Variants in SNX19 observed in about 807,000 individuals in gnomAD.
The protein encoded by SNX19 is sorting nexin 19, also known as sorting nexin-19.
A neutral mutation model predicts 85.2 loss-of-function variants in SNX19; 60 were observed. The observed-to-expected ratio is 0.70, with a 90% confidence interval of 0.57 to 0.87. SNX19 has a LOEUF of 0.87. Among genes scored for constraint, SNX19 ranks in the 40% least tolerant of loss-of-function variants. SNX19 has a pLI of 0.00. For synonymous variants in SNX19, 520 were observed against 470.0 expected, an observed-to-expected ratio of 1.11 and a Z score of -1.38; for missense variants, 1,201 against 1,217.8, an observed-to-expected ratio of 0.99 and a Z score of 0.21.
intron 5 of SNX19, among the ~76,000 whole-genome samples, chr11:130,906,956 C>T (rs1006934582): frequency 6.6e-6 from 1 of 152,188 alleles, no homozygotes; most frequent in Non-Finnish European, 1.5e-5. Context: ...GTCTACAGTG[C>T]ACTTGTGAAA....
chr11:130,889,499 A>G (rs1444380195), intron 8 of SNX19, among the ~76,000 whole-genome samples: 2 of 146,082 alleles, frequency 1.4e-5, no homozygotes, highest in African/African-American at 2.4e-5. Flanking sequence ...ACAATCAAAT[A>G]TTTACTGAAT....
intron 8 of SNX19, among the ~76,000 whole-genome samples, chr11:130,885,950 G>A (rs1322668277): frequency 6.6e-6 from 1 of 152,120 alleles, no homozygotes; most frequent in Non-Finnish European, 1.5e-5. Context: ...TTTGTCATAG[G>A]GGCTTTCCTG....
intron 4 of SNX19, among the ~76,000 whole-genome samples, chr11:130,909,162 A>G (rs535676592): frequency 6.6e-6 from 1 of 152,328 alleles, no homozygotes; most frequent in South Asian, 2.1e-4. Context: ...CAGCTGGTAG[A>G]GTGTCTGGCT....
At chr11:130,909,219 T>C (rs79075592) in intron 4 of SNX19, among the ~76,000 whole-genome samples, 63 of 152,308 alleles carry the variant, frequency 4.1e-4, no homozygotes, top group Middle Eastern at 3.4e-3. Context: ...GGATGAATGA[T>C]ATCTGCATGG....
At chr11:130,892,860 T>C (rs181211969) in intron 8 of SNX19, 1 of 152,136 alleles carries the variant, frequency 6.6e-6, no homozygotes, top group African/African-American at 2.4e-5. Context: ...CAGGTAGTTA[T>C]CCTGAGCCTG....
chr11:130,883,312 A>G (rs1483207693), intron 8 of SNX19, among the ~76,000 whole-genome samples: 2 of 152,196 alleles, frequency 1.3e-5, no homozygotes, highest in African/African-American at 4.8e-5. Context: ...CAACTCACCG[A>G]AGAAAAGGAG....
intron 8 of SNX19, among the ~76,000 whole-genome samples, chr11:130,889,880 C>CGAATA (rs1327106511): frequency 6.6e-6 from 1 of 152,126 alleles, no homozygotes; most frequent in Non-Finnish European, 1.5e-5. Flanking sequence ...GTTAGCTATT[C>CGAATA]ATTCTCTGTT....
At chr11:130,887,505 CTT>C (rs1257724742) in intron 8 of SNX19, among the ~76,000 whole-genome samples, 1 of 152,194 alleles carries the variant, frequency 6.6e-6, no homozygotes, top group Non-Finnish European at 1.5e-5. Flanking sequence ...AATCCAGAAA[CTT>C]GGGCTTTTAT....
In SNX19 at chr11:130,903,343, G is replaced by A. The variant is rs141501374; in HGVS notation, c.2485C>T (p.Leu829Phe). The change falls in exon 8 of 11, where the codon CTC becomes TTC. Residue 829 changes from leucine (L) to phenylalanine (F), a missense_variant. By Grantham distance (22) the Leu-to-Phe change is conservative (BLOSUM62 0). Around this residue, in one of 3 missense-constraint regions of SNX19, gnomAD observed 285 missense variants for 295.3 expected, o/e 0.97. Transcript: ENST00000265909. ...TTCCACTGTTCTGTTAGTAGCAAGA[G>A]GAGCAGATCCAGGGCTGTGTCAGCT... is the stretch of plus-strand genomic sequence containing the variant. ...ELADTALDLLLLLLTEQWKWL... is the reference protein window; with the variant it reads ...ELADTALDLLFLLLTEQWKWL... 1.9e-6 allele frequency: 3 copies of A among 1,613,254 alleles called. No individual in the cohort carries two copies. In the African/African-American group the frequency reaches 4.0e-5, roughly 22 times the overall value.
At chr11:130,898,839 TTCTACAAACTGC>T (rs756209951) in intron 8 of SNX19, among the ~76,000 whole-genome samples, 51 of 151,022 alleles carry the variant, frequency 3.4e-4, no homozygotes, top group Non-Finnish European at 6.5e-4. Flanking sequence ...GCAGTTTGGA[TTCTACAAACTGC>T]CTGATAATCT....
At position 130,894,010 on chromosome 11, in the gene SNX19, G is replaced by A. The variant is rs1296484491; in HGVS notation, c.2573+9245C>T. On this transcript the variant is annotated intron_variant, in intron 8 of 10. Coordinates refer to ENST00000265909, the MANE Select transcript of SNX19 (RefSeq NM_014758.3). ...TGCTTCTCCAAAACCAAGTTAATGG[G>A]GGAGAGCCAAACGGTCTCCATCCAT... 3.3e-5 allele frequency: 19 copies of A among 575,954 alleles called. No homozygotes were observed. In the East Asian group the frequency reaches 4.8e-4, roughly 15 times the overall value. The allele number at this position is 575,954 out of a possible 1,614,324, so 35.7% of individuals were successfully genotyped here. A position where few individuals can be genotyped will look rare whatever the true frequency, so the allele number is the denominator to read the frequency against.
At chr11:130,896,559 G>A (rs1351519775) in intron 8 of SNX19, among the ~76,000 whole-genome samples, 1 of 152,216 alleles carries the variant, frequency 6.6e-6, no homozygotes, top group Non-Finnish European at 1.5e-5. Flanking sequence ...AGCTTGCATG[G>A]AGGGGAAGCA....
intron 6 of SNX19, 76 bp from the exon 7 acceptor site, chr11:130,906,209 T>C (rs1945658594): frequency 6.8e-7 from 1 of 1,464,260 alleles, no homozygotes; most frequent in African/African-American, 1.4e-5. Context: ...TAGGTTTCCC[T>C]GCCTCTCCCC....
chr11:130,911,741 T>G lies in SNX19; in HGVS notation c.1705A>C (p.Ser569Arg). The G allele has an allele frequency of 6.2e-7, 1 of 1,614,086 alleles. No individual in the cohort carries two copies. The highest frequency in any genetic ancestry group is 8.5e-7 in the Non-Finnish European group (1 of 1,180,034). ...TGGTAGGCCAGCTGCTGCAGGCCGC[T>G]GCTGTTTTCACCGTCAAGGGCTGTC... is the stretch of plus-strand genomic sequence containing the variant. ...YETALDGENS[S>R]GLQQLAYHTV... Residue 569 changes from serine (S) to arginine (R), a missense_variant, in exon 2 of 11, where the codon AGC (serine) becomes CGC (arginine). Physicochemically the swap from Ser to Arg is moderately radical, Grantham distance 110. Transcript: ENST00000265909.
Position 130,915,579 on chromosome 11 carries a change from C to T in SNX19, c.361G>A (p.Val121Met), listed in dbSNP as rs750935932. The change falls in exon 1 of 11, where the codon GTG becomes ATG. Residue 121 changes from valine to methionine, a missense_variant. Transcript: ENST00000265909. ...TCCTCAAAGGCTGGCTCCTGGCTCA[C>T]GGAACGGTACCAAGATAACACAAAA... ...RDFVLSWYRS[V>M]SQEPAFEEEM... is the part of the protein sequence containing the mutation. 3.1e-6 allele frequency: 5 copies of T among 1,614,104 alleles called. No homozygotes were observed. The highest frequency in any genetic ancestry group is 2.2e-5 in the East Asian group (1 of 44,890).
rs1328963728 is a variant in SNX19, at chr11:130,910,048, C to T, written c.2004G>A (p.Lys668=). 2 of 1,613,972 alleles carry T rather than the reference C, an allele frequency of 1.2e-6. No homozygotes were observed. The highest frequency in any genetic ancestry group is 4.5e-5 in the East Asian group (2 of 44,888). ...LNTDARIAFV[K]KPFMVSRIDK... is the part of the protein sequence containing the mutation. ...CTATTCTAGAGACCATAAATGGTTTCTTGACAAAGGCAATACGAGCATCTG... is the reference window on the plus strand; with the variant it reads ...CTATTCTAGAGACCATAAATGGTTTTTTGACAAAGGCAATACGAGCATCTG... Residue 668 remains lysine (K), a synonymous_variant, in exon 4 of 11, where the codon AAG becomes AAA. Transcript: ENST00000265909.
At chr11:130,895,074 C>CA (rs1944784499) in intron 8 of SNX19, 1 of 985,260 alleles carries the variant, frequency 1.0e-6, no homozygotes, top group African/African-American at 1.7e-5. Context: ...GGAGAAAGTA[C>CA]AACAGCAGGA....
At chr11:130,905,501 T>A (rs1230183736) in intron 7 of SNX19, among the ~76,000 whole-genome samples, 4 of 151,042 alleles carry the variant, frequency 2.6e-5, no homozygotes, top group African/African-American at 9.7e-5. Flanking sequence ...CCTGGAAGAG[T>A]GTGTAGAATA....
At chr11:130,905,851 G>A in intron 7 of SNX19, 102 bp downstream of exon 7, 1 of 1,588,716 alleles carries the variant, frequency 6.3e-7, no homozygotes, top group African/African-American at 1.3e-5. Flanking sequence ...ATGCTCAGCT[G>A]AATGGAACAG....
Sources: gnomAD v4.1 joint callset for allele counts (sites outside exome capture counted in the v4.1 genomes callset) on GRCh38, gnomAD v4.1.1 for gene constraint, gnomAD v4.1.1 regional missense constraint, MANE v1.5 for transcripts, NCBI Gene and HGNC (gene_info 2026-07-23, HGNC 2026-07-21) for gene names.